MGAM: variants seen among roughly 807,000 people sequenced by gnomAD.
MGAM encodes maltase-glucoamylase, also known as alpha-1,4-glucosidase.
In MGAM, 253 loss-of-function variants were observed where a neutral mutation model predicts 358.8. The ratio of observed to expected loss-of-function variants is 0.71; its 90% CI spans 0.64 to 0.78. MGAM has a LOEUF of 0.78. MGAM is among the 30% of genes least tolerant of loss of function. MGAM has a pLI of 0.00. For missense variants in MGAM, 3,080 were observed against 3,432.6 expected (o/e 0.90, Z 2.57); for synonymous variants, 1,105 against 1,227.1 (o/e 0.90, Z 2.08).
intron 63 of MGAM, 71 bp downstream of exon 63, chr7:142,094,934 C>A: frequency 6.8e-7 from 1 of 1,478,886 alleles, no homozygotes; most frequent in Non-Finnish European, 9.3e-7. Context: ...AAAGTTAATG[C>A]AGTCTGTATT....
intron 31 of MGAM, among the ~76,000 whole-genome samples, chr7:142,058,800 C>T (rs1229047074): frequency 6.6e-6 from 1 of 152,206 alleles, no homozygotes; most frequent in Non-Finnish European, 1.5e-5. Context: ...GGATGGGTTT[C>T]CAGAGGACAT....
Position 142,094,301 on chromosome 7 carries a change from A to G in MGAM, c.7173-63A>G, listed in dbSNP as rs1815675153. 3 of 1,477,508 alleles carry G rather than the reference A, an allele frequency of 2.0e-6. 1 individual carries two copies. The highest frequency in any genetic ancestry group is 1.8e-6 in the Non-Finnish European group (2 of 1,088,928). The allele number at this position is 1,477,508 out of a possible 1,614,324, so 91.5% of individuals were successfully genotyped here. ...CTAGGCTCAAGGGCTCTGGGAGCAG[A>G]TGCTCTATGGCCTTTGCTTCCTGGC... On this transcript the variant is annotated intron_variant, in intron 60 of 70. Coordinates refer to ENST00000475668, the MANE Select transcript of MGAM (RefSeq NM_001365693.1).
intron 1 of MGAM, among the ~76,000 whole-genome samples, chr7:141,997,672 A>G (rs1035058561): frequency 6.6e-6 from 1 of 152,064 alleles, no homozygotes; most frequent in African/African-American, 2.4e-5. Context: ...TGCAGTTCAG[A>G]TGGGGAAACT....
rs1554466082 is a variant in MGAM, at chr7:142,036,835, G to A, written c.2089G>A (p.Ala697Thr). The A allele has an allele frequency of 1.2e-6, 2 of 1,613,268 alleles. No homozygotes were observed. Among genetic ancestry groups the A allele is most frequent in the East Asian group, 4.5e-5 (2 of 44,842 alleles). ...NGQGYKDQDPASFGADSLLLN... is the reference protein window; with the variant it reads ...NGQGYKDQDPTSFGADSLLLN... ...TATTTCCTCCCAGGACCAGGATCCT[G>A]CCTCCTTTGGAGCTGACTCCCTGCT... Residue 697 changes from alanine to threonine, a missense_variant, in exon 18 of 71, where the codon GCC (alanine) becomes ACC (threonine). Ala to Thr is a moderately conservative substitution (Grantham distance 58). Transcript: ENST00000475668.
rs1563191356 is a variant in MGAM, at chr7:142,067,970, ATATATATATATATATATTTTTTTTTTT to A, written c.5004+547_5004+573del. ...TATATATATATATATATATAAATAT[ATATATATATATATATATTTTTTTTTTT>A]TTTTTTTTGAGACAGAGTCTCACTC... On this transcript the variant is annotated intron_variant, in intron 42 of 70. Coordinates refer to ENST00000475668, the MANE Select transcript of MGAM (RefSeq NM_001365693.1). Among the ~76,000 whole-genome samples, 6 of 5,104 alleles carry A rather than the reference ATATATATATATATATATTTTTTTTTTT, an allele frequency of 1.2e-3. 1 individual carries two copies. The highest frequency in any genetic ancestry group is 1.8e-3 in the African/African-American group (6 of 3,282). The allele number at this position is 5,104 out of a possible 152,430, so 3.3% of individuals were successfully genotyped here. A position where few individuals can be genotyped will look rare whatever the true frequency, so the allele number is the denominator to read the frequency against.
intron 10 of MGAM, 92 bp downstream of exon 10, chr7:142,027,827 T>A: frequency 7.5e-7 from 1 of 1,330,988 alleles, no homozygotes; most frequent in Non-Finnish European, 9.9e-7. Context: ...TGAGTTTAAT[T>A]GATTTATTTA....
chr7:142,027,845 A>G, intron 10 of MGAM, 110 bp downstream of exon 10: 4 of 1,252,366 alleles, frequency 3.2e-6, no homozygotes, highest in Non-Finnish European at 4.2e-6. Context: ...TTATTTGGTA[A>G]TGAAAGGAGT....
intron 70 of MGAM, among the ~76,000 whole-genome samples, chr7:142,104,554 C>A (rs1412110020): frequency 6.6e-6 from 1 of 152,198 alleles, no homozygotes; most frequent in Non-Finnish European, 1.5e-5. Context: ...GCCACTAACA[C>A]ACTTTATATA....
chr7:142,052,405 G>A lies in MGAM; in HGVS notation c.2917G>A (p.Ala973Thr), dbSNP rs1360539571. Residue 973 changes from alanine (A) to threonine (T), a missense_variant, in exon 25 of 71, where the codon GCT (alanine) becomes ACT (threonine). By Grantham distance (58) the Ala-to-Thr change is moderately conservative. Coordinates refer to ENST00000475668, the MANE Select transcript of MGAM (RefSeq NM_001365693.1). ...AGACTGTTACCCTGATGAGAATGGT[G>A]CTTCTGCCGAAAACTGCACTGCCCG... Reference protein sequence around the residue: ...KIDCYPDENGASAENCTARGC... With the variant: ...KIDCYPDENGTSAENCTARGC... The A allele has an allele frequency of 6.2e-7, 1 of 1,613,412 alleles. No homozygotes were observed. Among genetic ancestry groups the A allele is most frequent in the African/African-American group, 1.3e-5 (1 of 75,030 alleles).
intron 20 of MGAM, 91 bp downstream of exon 20, chr7:142,040,262 A>C: frequency 9.6e-7 from 1 of 1,041,062 alleles, no homozygotes; most frequent in Non-Finnish European, 1.5e-6. Flanking sequence ...ACATCCATCT[A>C]CATGCTGAGG....
At chr7:141,988,513 C>T (rs1428683216) in intron 2 of MGAM, among the ~76,000 whole-genome samples, 2 of 152,006 alleles carry the variant, frequency 1.3e-5, no homozygotes, top group Non-Finnish European at 2.9e-5. Flanking sequence ...AACAGGCGCC[C>T]GCCACCATGC....
In MGAM at chr7:142,082,791, G is replaced by C. The variant is rs1814430342; in HGVS notation, c.6268+220G>C. ...TCTTATTTTGGTAAAAATCACATAA[G>C]AAGGGATAGTAAAACCACATGGGTC... On this transcript the variant is annotated intron_variant, in intron 52 of 70. Coordinates refer to ENST00000475668, the MANE Select transcript of MGAM (RefSeq NM_001365693.1). Among the ~76,000 whole-genome samples, 2 of 146,194 alleles carry C rather than the reference G, an allele frequency of 1.4e-5. 1 individual carries two copies. Among genetic ancestry groups the C allele is most frequent in the Non-Finnish European group, 3.1e-5 (2 of 64,534 alleles).
At chr7:142,036,797 A>C in intron 17 of MGAM, 26 bp from the exon 18 acceptor site, 1 of 1,608,586 alleles carries the variant, frequency 6.2e-7, no homozygotes, top group Non-Finnish European at 8.5e-7. Flanking sequence ...GCCAAACCAC[A>C]ACTGCAAACT....
chr7:142,042,042 T>A (rs1466383292), intron 21 of MGAM, among the ~76,000 whole-genome samples: 3 of 42,332 alleles, frequency 7.1e-5, no homozygotes, highest in Non-Finnish European at 1.1e-4. Flanking sequence ...TATATACATA[T>A]AATATATAAT....
chr7:142,054,731 A>G, intron 26 of MGAM, 23 bp from the exon 27 acceptor site: 1 of 1,612,884 alleles, frequency 6.2e-7, no homozygotes, highest in Non-Finnish European at 8.5e-7. Context: ...ATTGTTGCCT[A>G]AAATTGATTT....
At chr7:142,096,699 G>A (rs533096758) in intron 65 of MGAM, among the ~76,000 whole-genome samples, 1 of 152,116 alleles carries the variant, frequency 6.6e-6, no homozygotes, top group Non-Finnish European at 1.5e-5. Context: ...ACTAAAATAA[G>A]GAATAGAAGA....
intron 1 of MGAM, among the ~76,000 whole-genome samples, chr7:141,997,320 A>T (rs1554449009): frequency 6.6e-6 from 1 of 151,998 alleles, no homozygotes; most frequent in African/African-American, 2.4e-5. Context: ...GGTGAGATGG[A>T]GGGGGTCTTT....
chr7:142,055,442 G>T, intron 27 of MGAM, 116 bp from the exon 28 acceptor site: 1 of 1,268,970 alleles, frequency 7.9e-7, no homozygotes, highest in Non-Finnish European at 1.1e-6. Flanking sequence ...GTTTTGTTTG[G>T]GATATGAACA....
At chr7:142,054,109 C>G (rs748414852) in intron 26 of MGAM, among the ~76,000 whole-genome samples, 5 of 152,168 alleles carry the variant, frequency 3.3e-5, no homozygotes, top group Admixed American at 2.0e-4. Context: ...CCCGTGAGAC[C>G]GTCTCAGTCT....
Sources: allele counts gnomAD v4.1 joint callset (sites outside exome capture counted in the v4.1 genomes callset), GRCh38; gene constraint gnomAD v4.1.1; transcripts MANE v1.5; gene names NCBI Gene and HGNC (gene_info 2026-07-23, HGNC 2026-07-21).